BDH1: variants seen among roughly 807,000 people sequenced by gnomAD.
BDH1 encodes the protein D-beta-hydroxybutyrate dehydrogenase, mitochondrial.
Under a neutral mutation model 33.1 loss-of-function variants are expected in BDH1, and 30 were observed. That is an observed-to-expected ratio of 0.91 (90% CI 0.68 to 1.23). The LOEUF is 1.23. BDH1 is among the 50% of genes most tolerant of loss of function. The pLI is 0.00. For synonymous variants in BDH1, 190 were observed against 183.6 expected (o/e 1.03, Z -0.28); for missense variants, 443 against 464.4 (o/e 0.95, Z 0.42).
Position 197,516,370 on chromosome 3 carries a change from A to C in BDH1, c.410-1954T>G, listed in dbSNP as rs528579699. The stretch of plus-strand genomic sequence containing the variant: ...TAAAACAATGACATTTGACGCTACT[A>C]TCCAAAAAAGTTTAATGAAACATGA... On this transcript the variant is annotated intron_variant, in intron 6 of 7. Transcript: ENST00000392379. The surrounding 1 kb of genome is among the most constrained non-coding windows in gnomAD (Gnocchi z 4.2). 1.1e-4 allele frequency among the ~76,000 whole-genome samples: 16 copies of C among 152,322 alleles called. No individual in the cohort carries two copies. The South Asian group carries it at 3.3e-3, about 32-fold the overall frequency.
rs1711726060 is a variant in BDH1 at position 197,509,837 on chromosome 3, T to C, written c.*2058A>G. The C allele has an allele frequency of 6.6e-6, 1 of 152,218 alleles. No homozygotes were observed. Among genetic ancestry groups the C allele is most frequent in the South Asian group, 2.1e-4 (1 of 4,834 alleles). 9.4% of individuals were successfully genotyped at this position (152,218 alleles called of 1,614,324 possible). A position where few individuals can be genotyped will look rare whatever the true frequency, so the allele number is the denominator to read the frequency against. ...CACGGACACAAATTCGCCCAACATG[T>C]AAAAGTGCAATTCCGAAAGGATCCT... On this transcript the variant is annotated 3_prime_UTR_variant, in exon 8 of 8. Coordinates refer to ENST00000392379, the MANE Select transcript of BDH1 (RefSeq NM_203314.3).
intron 2 of BDH1, among the ~76,000 whole-genome samples, chr3:197,549,975 T>TTATTTATATATATATATATATATATATA (rs1553875236): frequency 6.8e-6 from 1 of 146,890 alleles, no homozygotes; most frequent in Non-Finnish European, 1.5e-5. Context: ...CAAATAACTA[T>TTATTTATATATATATATATATATATATA]TATATATATA....
chr3:197,511,924 C>T lies in BDH1; in HGVS notation c.1003G>A (p.Ala335Thr). 1 of 1,572,546 alleles carries T rather than the reference C, an allele frequency of 6.4e-7. No homozygotes were observed. Among genetic ancestry groups the T allele is most frequent in the Middle Eastern group, 1.7e-4 (1 of 5,858 alleles). Residue 335 changes from alanine (A) to threonine (T), a missense_variant, in exon 8 of 8, where the codon GCC (alanine) becomes ACC (threonine). Transcript: ENST00000392379. ...CGGATGTAGATCATGTCGGAGATGGCTCCAGGCAAGTGGGTCATGATCTGC... is the reference window on the plus strand; with the variant it reads ...CGGATGTAGATCATGTCGGAGATGGTTCCAGGCAAGTGGGTCATGATCTGC... ...RMQIMTHLPG[A>T]ISDMIYIR
chr3:197,541,198 G>A (rs1715594618), intron 3 of BDH1, among the ~76,000 whole-genome samples: 1 of 152,194 alleles, frequency 6.6e-6, no homozygotes. Context: ...TGGGGAGCTT[G>A]TTAAAATGCA....
At chr3:197,547,297 G>T (rs34909084) in intron 2 of BDH1, among the ~76,000 whole-genome samples, 5,218 of 152,322 alleles carry the variant, frequency 0.034, 137 homozygotes, top group Non-Finnish European at 0.05. Context: ...AGGGAAGGAA[G>T]GCGGGCTGGT....
rs1347944920 is a variant in BDH1 at position 197,516,843 on chromosome 3, C to G, written c.410-2427G>C. ...ACATGACAGCTGGCAGACCCCTAAT[C>G]AAGCCCTTTACATTCATTAACTTCC... is the stretch of plus-strand genomic sequence containing the variant. On this transcript the variant is annotated intron_variant, in intron 6 of 7. Coordinates refer to ENST00000392379, the MANE Select transcript of BDH1 (RefSeq NM_203314.3). The surrounding 1 kb of genome is among the most constrained non-coding windows in gnomAD (Gnocchi z 4.2). Among the ~76,000 whole-genome samples, 3 of 152,092 alleles carry G rather than the reference C, an allele frequency of 2.0e-5. No homozygotes were observed. Among genetic ancestry groups the G allele is most frequent in the African/African-American group, 4.8e-5 (2 of 41,386 alleles).
At chr3:197,513,158 G>C (rs1712262601) in intron 7 of BDH1, among the ~76,000 whole-genome samples, 1 of 152,226 alleles carries the variant, frequency 6.6e-6, no homozygotes, top group Admixed American at 6.5e-5. Context: ...CCCTCCAAAG[G>C]CCACAGGCCC....
rs561602716 is a variant in BDH1, at chr3:197,535,039, C to T, written c.84-1478G>A. ...TAGACAGATGTCTTCTCACTGTAAC[C>T]TCACATGGCAAAGGTCTCTTTTATA... On this transcript the variant is annotated intron_variant, in intron 3 of 7. Coordinates refer to ENST00000392379, the MANE Select transcript of BDH1 (RefSeq NM_203314.3). Among the ~76,000 whole-genome samples, 4 of 152,282 alleles carry T rather than the reference C, an allele frequency of 2.6e-5. No homozygotes were observed. In the South Asian group the frequency reaches 8.3e-4, roughly 32 times the overall value.
chr3:197,533,402 A>G, intron 4 of BDH1, 87 bp downstream of exon 4: 1 of 1,375,526 alleles, frequency 7.3e-7, no homozygotes, highest in South Asian at 1.2e-5. Flanking sequence ...CTAAGGCCCC[A>G]CTCTGAGGGT....
Position 197,514,258 on chromosome 3 carries a change from A to ACTCAC in BDH1, c.562+1_562+5dup. 1.2e-6 allele frequency: 2 copies of ACTCAC among 1,606,702 alleles called. No individual in the cohort carries two copies. Among genetic ancestry groups the ACTCAC allele is most frequent in the Non-Finnish European group, 1.7e-6 (2 of 1,175,632 alleles). ...GGGGCAGGAGGGAGCTCCCTTTCCC[A>ACTCAC]CTCACCTTTGGCCCTTCGGATGAGG... On this transcript the variant is annotated splice_donor_region_variant and intron_variant, in intron 7 of 7. Coordinates refer to ENST00000392379, the MANE Select transcript of BDH1 (RefSeq NM_203314.3). This position sits in a 1 kb window ranked among gnomAD's most constrained non-coding sequence, Gnocchi z 4.2.
In BDH1 at chr3:197,514,132, C is replaced by G; in HGVS notation, c.562+132G>C. ...ACCATCACCCCAGGCCCAGCATAGT[C>G]CCTGGGATTCACGAGCTCACCTCTG... On this transcript the variant is annotated intron_variant, in intron 7 of 7. Transcript: ENST00000392379. The surrounding 1 kb of genome is among the most constrained non-coding windows in gnomAD (Gnocchi z 4.2). 1 of 1,230,714 alleles carries G rather than the reference C, an allele frequency of 8.1e-7. No individual in the cohort carries two copies. The highest frequency in any genetic ancestry group is 1.7e-5 in the South Asian group (1 of 59,918). The allele number at this position is 1,230,714 out of a possible 1,614,324, so 76.2% of individuals were successfully genotyped here. A position where few individuals can be genotyped will look rare whatever the true frequency, so the allele number is the denominator to read the frequency against.
intron 3 of BDH1, 55 bp downstream of exon 3, chr3:197,546,306 C>T (rs532799477): frequency 3.8e-6 from 6 of 1,571,064 alleles, no homozygotes; most frequent in Non-Finnish European, 5.3e-6. Flanking sequence ...GTGTGAAAAC[C>T]TCTGCCTGCT....
intron 6 of BDH1, chr3:197,515,905 C>G (rs1249994163): frequency 1.3e-5 from 2 of 154,632 alleles, no homozygotes; most frequent in Non-Finnish European, 2.8e-5. Flanking sequence ...CACACACACA[C>G]ACACACACAC....
Position 197,516,790 on chromosome 3 carries a change from G to A in BDH1, c.410-2374C>T, listed in dbSNP as rs754992346. ...CCTCCCCCACCTACTGAGTCACCCA[G>A]TACTGCTAATATTACAGCTCAAGAT... On this transcript the variant is annotated intron_variant, in intron 6 of 7. Coordinates refer to ENST00000392379, the MANE Select transcript of BDH1 (RefSeq NM_203314.3). The surrounding 1 kb of genome is among the most constrained non-coding windows in gnomAD (Gnocchi z 4.2). 1.3e-5 allele frequency among the ~76,000 whole-genome samples: 2 copies of A among 151,702 alleles called. No homozygotes were observed. The highest frequency in any genetic ancestry group is 2.9e-5 in the Non-Finnish European group (2 of 67,948).
chr3:197,571,805 G>A (rs6583229), intron 1 of BDH1, among the ~76,000 whole-genome samples: 24,193 of 152,166 alleles, frequency 0.16, 2,265 homozygotes, highest in African/African-American at 0.25. Flanking sequence ...GTTCATGCCT[G>A]TAATCTCAAC....
In BDH1 at chr3:197,510,551, C is replaced by A. The variant is rs888280949; in HGVS notation, c.*1344G>T. On this transcript the variant is annotated 3_prime_UTR_variant, in exon 8 of 8. Coordinates refer to ENST00000392379, the MANE Select transcript of BDH1 (RefSeq NM_203314.3). The stretch of plus-strand genomic sequence containing the variant: ...GCATCACTTCTTAATTGAAAAGAGG[C>A]CGAGGCGAGGCGGGAATGAAGGCCA... The A allele has an allele frequency of 1.4e-5, 2 of 144,930 alleles. No individual in the cohort carries two copies. Among genetic ancestry groups the A allele is most frequent in the African/African-American group, 2.6e-5 (1 of 38,468 alleles). 9.0% of individuals were successfully genotyped at this position (144,930 alleles called of 1,614,324 possible).
chr3:197,514,456 C>T lies in BDH1; in HGVS notation c.410-40G>A. 1.3e-6 allele frequency: 2 copies of T among 1,531,662 alleles called. No individual in the cohort carries two copies. Among genetic ancestry groups the T allele is most frequent in the Non-Finnish European group, 8.8e-7 (1 of 1,134,702 alleles). 94.9% of individuals were successfully genotyped at this position (1,531,662 alleles called of 1,614,324 possible). A position where few individuals can be genotyped will look rare whatever the true frequency, so the allele number is the denominator to read the frequency against. ...GATAGATGTGCATTTACCACATGGG[C>T]TTGGCCCAGACATTGCCCATCAGCC... On this transcript the variant is annotated intron_variant, in intron 6 of 7. Transcript: ENST00000392379. This position sits in a 1 kb window ranked among gnomAD's most constrained non-coding sequence, Gnocchi z 4.2.
chr3:197,550,288 G>T (rs1716447856), intron 2 of BDH1, among the ~76,000 whole-genome samples: 1 of 152,232 alleles, frequency 6.6e-6, no homozygotes, highest in African/African-American at 2.4e-5. Context: ...AAAGCCAAGG[G>T]TCTAACATTA....
In BDH1 at chr3:197,522,624, C is replaced by G; in HGVS notation, c.409+16G>C. ...GGCCCCATACACAACCCCTGCCGTCCGAAGGGGCGCCCTACCTTTCTCAGG... is the reference window on the plus strand; with the variant it reads ...GGCCCCATACACAACCCCTGCCGTCGGAAGGGGCGCCCTACCTTTCTCAGG... On this transcript the variant is annotated intron_variant, in intron 6 of 7. Coordinates refer to ENST00000392379, the MANE Select transcript of BDH1 (RefSeq NM_203314.3). The surrounding 1 kb of genome is among the most constrained non-coding windows in gnomAD (Gnocchi z 4.8). The G allele has an allele frequency of 6.2e-7, 1 of 1,613,710 alleles. No homozygotes were observed. The highest frequency in any genetic ancestry group is 1.1e-5 in the South Asian group (1 of 91,018).
Sources: gnomAD v4.1 joint callset for allele counts (sites outside exome capture counted in the v4.1 genomes callset) on GRCh38, gnomAD v4.1.1 for gene constraint, Gnocchi (gnomAD v3.1) non-coding constraint, MANE v1.5 for transcripts, NCBI Gene and HGNC (gene_info 2026-07-23, HGNC 2026-07-21) for gene names.